The following GLIS3 variants were observed in gnomAD, a reference collection of about 807,000 sequenced individuals.
The protein encoded by GLIS3 is GLIS family zinc finger 3.
In GLIS3, 53 loss-of-function variants were observed where a neutral mutation model predicts 78.6. The observed-to-expected ratio is 0.67, with a 90% confidence interval of 0.54 to 0.85. The LOEUF is 0.85. Among genes scored for constraint, GLIS3 ranks in the 40% least tolerant of loss-of-function variants. GLIS3 has a pLI of 0.00. For missense variants in GLIS3, 1,703 were observed against 1,231.1 expected, an observed-to-expected ratio of 1.38 and a Z score of -5.74; for synonymous variants, 684 against 509.9, an observed-to-expected ratio of 1.34 and a Z score of -4.60.
At chr9:4,288,037 C>T (rs1828147037) in intron 1 of GLIS3, among the ~76,000 whole-genome samples, 1 of 152,098 alleles carries the variant, frequency 6.6e-6, no homozygotes, top group Non-Finnish European at 1.5e-5. Flanking sequence ...TCAGGTCTCA[C>T]TCCTGCCCTC....
At chr9:4,483,526 T>C in the GLIS3 span, among the ~76,000 whole-genome samples, 4 of 152,110 alleles carry the variant, frequency 2.6e-5, no homozygotes, top group Non-Finnish European at 4.4e-5. Flanking sequence ...GAGACCAGCC[T>C]GACCAACATG....
At chr9:4,216,044 T>C (rs1820798526) in intron 2 of GLIS3, among the ~76,000 whole-genome samples, 1 of 152,092 alleles carries the variant, frequency 6.6e-6, no homozygotes, top group African/African-American at 2.4e-5. Context: ...TTTGAGAAAA[T>C]TAGGTCCACA....
At position 4,092,990 on chromosome 9, in the gene GLIS3, C is replaced by T. The variant is rs143752669; in HGVS notation, c.1710+24778G>A. ...CTCCATGATGTGACATTAGCAATGA[C>T]GTCAGTAGGTGATAGGAATTTTTCA... On this transcript the variant is annotated intron_variant, in intron 4 of 10. Coordinates refer to ENST00000381971, the MANE Select transcript of GLIS3 (RefSeq NM_001042413.2). Among the ~76,000 whole-genome samples, 528 of 152,296 alleles carry T rather than the reference C, an allele frequency of 3.5e-3. 3 individuals are homozygous for T. Among genetic ancestry groups the T allele is most frequent in the Non-Finnish European group, 5.7e-3 (385 of 68,028 alleles).
the GLIS3 span, among the ~76,000 whole-genome samples, chr9:4,448,582 G>C: frequency 2.0e-5 from 3 of 152,176 alleles, no homozygotes; most frequent in African/African-American, 7.2e-5. Flanking sequence ...GCTTCTTGTG[G>C]GCATGCTGTG....
At position 4,316,190 on chromosome 9, in the gene GLIS3, G is replaced by T. The variant is rs1187185351; in HGVS notation, n.265-5662C>A. ...TCTCCACCTTTTTCTGGTTTTGGAA[G>T]AGAGGTTAGGATTCCTACAAGCTAA... On this transcript the variant is annotated intron_variant and non_coding_transcript_variant, in intron 2 of 4. Coordinates refer to the GLIS3 transcript ENST00000471664. 1.3e-5 allele frequency among the ~76,000 whole-genome samples: 2 copies of T among 152,158 alleles called. 1 individual carries two copies. The highest frequency in any genetic ancestry group is 4.8e-5 in the African/African-American group (2 of 41,426).
chr9:4,337,137 T>TC (rs1213293270), intron 2 of GLIS3, among the ~76,000 whole-genome samples: 1 of 152,198 alleles, frequency 6.6e-6, no homozygotes, highest in Admixed American at 6.5e-5. Flanking sequence ...GTACAACTTT[T>TC]CCCGAAAGTA....
intron 4 of GLIS3, among the ~76,000 whole-genome samples, chr9:3,976,707 C>T (rs1818816727): frequency 6.8e-6 from 1 of 146,108 alleles, no homozygotes; most frequent in Non-Finnish European, 1.5e-5. Context: ...ATAGGACACA[C>T]CCATTTACTT....
intron 2 of GLIS3, among the ~76,000 whole-genome samples, chr9:4,218,905 C>G (rs1313111708): frequency 2.0e-5 from 3 of 152,200 alleles, no homozygotes; most frequent in East Asian, 3.9e-4. Context: ...CCACAGAGCA[C>G]TCATAACTAT....
At chr9:3,887,555 C>T (rs1056338951) in intron 7 of GLIS3, among the ~76,000 whole-genome samples, 9 of 152,090 alleles carry the variant, frequency 5.9e-5, no homozygotes, top group African/African-American at 2.2e-4. Context: ...ACAGATATTC[C>T]CCCATGAGCT....
At chr9:4,410,997 G>T in the GLIS3 span, among the ~76,000 whole-genome samples, 3 of 152,142 alleles carry the variant, frequency 2.0e-5, no homozygotes, top group African/African-American at 7.2e-5. Flanking sequence ...AATTCCTTAT[G>T]TAACAACCTT....
At chr9:3,921,862 C>A (rs1232377568) in intron 6 of GLIS3, among the ~76,000 whole-genome samples, 1 of 151,304 alleles carries the variant, frequency 6.6e-6, no homozygotes, top group African/African-American at 2.4e-5. Flanking sequence ...ATAATCAAAT[C>A]TACCAGCAAT....
chr9:4,404,355 G>A, the GLIS3 span, among the ~76,000 whole-genome samples: 382 of 152,186 alleles, frequency 2.5e-3, 3 homozygotes, highest in African/African-American at 8.3e-3. Flanking sequence ...CTAAATCTGC[G>A]CTATGGAACA....
At chr9:4,420,767 A>G in the GLIS3 span, among the ~76,000 whole-genome samples, 32,496 of 152,048 alleles carry the variant, frequency 0.21, 3,710 homozygotes, top group African/African-American at 0.29. Flanking sequence ...AGGTGATATT[A>G]CATAGGTTGA....
At chr9:4,090,810 G>A (rs1387353325) in intron 4 of GLIS3, among the ~76,000 whole-genome samples, 5 of 152,196 alleles carry the variant, frequency 3.3e-5, no homozygotes, top group East Asian at 1.9e-4. Context: ...TGCTACTGCT[G>A]AGGTTGTGAC....
At chr9:4,388,157 C>T in the GLIS3 span, among the ~76,000 whole-genome samples, 1 of 152,174 alleles carries the variant, frequency 6.6e-6, no homozygotes, top group Non-Finnish European at 1.5e-5. Context: ...GGCTACAAAC[C>T]CCTTCACAAA....
chr9:4,137,417 A>C (rs1051965064), intron 2 of GLIS3, among the ~76,000 whole-genome samples: 1 of 152,178 alleles, frequency 6.6e-6, no homozygotes, highest in Non-Finnish European at 1.5e-5. Context: ...CTGTCCACCA[A>C]GTATGGAATC....
chr9:4,174,990 G>T (rs143227275), intron 2 of GLIS3, among the ~76,000 whole-genome samples: 1 of 152,228 alleles, frequency 6.6e-6, no homozygotes, highest in African/African-American at 2.4e-5. Context: ...AAAGGGAAGG[G>T]ATCAGAGTGT....
chr9:4,330,513 C>G lies in GLIS3; in HGVS notation n.264+16568G>C, dbSNP rs902486854. Among the ~76,000 whole-genome samples the G allele has an allele frequency of 3.9e-5, 6 of 152,100 alleles. No homozygotes were observed. In the East Asian group the frequency reaches 1.2e-3, roughly 29 times the overall value. On this transcript the variant is annotated intron_variant and non_coding_transcript_variant, in intron 2 of 4. Transcript: ENST00000471664. ...AAAGATCCCAGAGAAATTAAACAAC[C>G]TCCACTTAGGTGGAGGGAGATGAAG... is the stretch of plus-strand genomic sequence containing the variant.
rs1830283686 is a variant in GLIS3 at position 4,100,441 on chromosome 9, A to AG, written c.1710+17326dup. The stretch of plus-strand genomic sequence containing the variant: ...ACACCTGGATAATCAGGGAAAACAA[A>AG]GGGGAAAAAAGCTCACTTCCGATAC... On this transcript the variant is annotated intron_variant, in intron 4 of 10. Transcript: ENST00000381971. 2.0e-5 allele frequency among the ~76,000 whole-genome samples: 3 copies of AG among 152,354 alleles called. No individual in the cohort carries two copies. In the South Asian group the frequency reaches 6.2e-4, roughly 32 times the overall value.
Sources: allele counts gnomAD v4.1 joint callset (sites outside exome capture counted in the v4.1 genomes callset), GRCh38; gene constraint gnomAD v4.1.1; transcripts MANE v1.5; gene names NCBI Gene and HGNC (gene_info 2026-07-23, HGNC 2026-07-21).